DFFB: variants seen among roughly 807,000 people sequenced by gnomAD.
The protein encoded by DFFB is DNA fragmentation factor subunit beta, also known as DNA fragmentation factor 40 kDa subunit.
DFFB carries 29 observed loss-of-function variants against 32.7 expected under a neutral mutation model. The ratio of observed to expected loss-of-function variants is 0.89; its 90% confidence interval spans 0.66 to 1.21. The LOEUF (loss-of-function observed/expected upper bound fraction) is 1.21, where lower values mean the gene tolerates loss of function less well. DFFB is among the 50% of genes most tolerant of loss of function. The probability of loss-of-function intolerance (pLI) is 0.00; values close to 1 mark genes in which losing one functional copy is unlikely to be tolerated. For synonymous variants in DFFB, 170 were observed against 177.1 expected (o/e 0.96, Z 0.32); for missense variants, 398 against 440.6 (o/e 0.90, Z 0.87).
rs527886908 is a variant in DFFB, at chr1:3,864,149, T to C, written c.242-1663T>C. 1.2e-4 allele frequency among the ~76,000 whole-genome samples: 18 copies of C among 152,118 alleles called. No homozygotes were observed. The East Asian group carries it at 3.5e-3, about 29-fold the overall frequency. ...GCCCAGCTAATTTTTGTATTTTTAG[T>C]AGAGACAGGGTTTCACCATGTTGGC... On this transcript the variant is annotated intron_variant, in intron 2 of 6. Coordinates refer to ENST00000378209, the MANE Select transcript of DFFB (RefSeq NM_004402.4).
At chr1:3,877,457 G>A (rs998199930) in intron 6 of DFFB, among the ~76,000 whole-genome samples, 1 of 149,474 alleles carries the variant, frequency 6.7e-6, no homozygotes, top group African/African-American at 2.5e-5. Flanking sequence ...AGCCTCCCAA[G>A]TAGCTGGGAT....
chr1:3,859,657 T>A (rs921844978), intron 2 of DFFB, among the ~76,000 whole-genome samples: 1 of 152,150 alleles, frequency 6.6e-6, no homozygotes, highest in Non-Finnish European at 1.5e-5. Context: ...GCTACAGTGT[T>A]GGGGGCTCCA....
At position 3,883,615 on chromosome 1, in the gene DFFB, G is replaced by A. The variant is rs770497534; in HGVS notation, c.891G>A (p.Glu297=). The part of the protein sequence containing the change: ...EYFYGLLFTS[E]NLKLVHIVCH... ...TTTATGGCCTGCTTTTTACCTCAGAGAACCTAAAACTAGTGCACATTGTCT... is the reference window on the plus strand; with the variant it reads ...TTTATGGCCTGCTTTTTACCTCAGAAAACCTAAAACTAGTGCACATTGTCT... The change falls in exon 7 of 7, where the codon GAG becomes GAA. Residue 297 remains glutamate (E), a synonymous_variant. Transcript: ENST00000378209. 3.7e-6 allele frequency: 6 copies of A among 1,614,124 alleles called. No individual in the cohort carries two copies. The highest frequency in any genetic ancestry group is 1.3e-5 in the African/African-American group (1 of 75,026).
At chr1:3,875,603 A>G (rs975919058) in intron 6 of DFFB, among the ~76,000 whole-genome samples, 2 of 151,972 alleles carry the variant, frequency 1.3e-5, no homozygotes, top group African/African-American at 4.8e-5. Context: ...CTCTTTCTCT[A>G]ATTTTCATTT....
intron 5 of DFFB, among the ~76,000 whole-genome samples, chr1:3,870,978 C>T (rs996740161): frequency 3.3e-5 from 5 of 152,204 alleles, no homozygotes; most frequent in East Asian, 3.9e-4. Flanking sequence ...ACAGGGAAGA[C>T]GGAAGCTGTG....
At chr1:3,858,480 A>G (rs1644805045) in intron 1 of DFFB, among the ~76,000 whole-genome samples, 1 of 152,228 alleles carries the variant, frequency 6.6e-6, no homozygotes, top group African/African-American at 2.4e-5. Context: ...CAGAGCCAGC[A>G]GTCACCCCCT....
intron 6 of DFFB, among the ~76,000 whole-genome samples, chr1:3,876,580 A>G (rs932533022): frequency 3.9e-5 from 6 of 152,246 alleles, no homozygotes; most frequent in East Asian, 1.9e-4. Flanking sequence ...CACGTGCCAC[A>G]TGTTTAATTA....
Position 3,873,675 on chromosome 1 carries a change from C to T in DFFB, c.782+1103C>T, listed in dbSNP as rs184163224. On this transcript the variant is annotated intron_variant, in intron 6 of 6. Coordinates refer to ENST00000378209, the MANE Select transcript of DFFB (RefSeq NM_004402.4). ...TGTATTTTTAGTAGAGACGGGATTT[C>T]TCCATGTTGGTCAGGCTGGTCTTGA... 2.4e-3 allele frequency among the ~76,000 whole-genome samples: 368 copies of T among 152,182 alleles called. 2 individuals are homozygous for T. The highest frequency in any genetic ancestry group is 8.3e-3 in the African/African-American group (345 of 41,520).
chr1:3,871,443 T>C (rs752536130), intron 5 of DFFB, among the ~76,000 whole-genome samples: 1 of 152,110 alleles, frequency 6.6e-6, no homozygotes, highest in African/African-American at 2.4e-5. Context: ...CCCGCCACCA[T>C]GCCCGGCTAA....
rs1557712463 is a variant in DFFB at position 3,865,830 on chromosome 1, G to GA, written c.260_261insA (p.Phe88LeufsTer22). On this transcript the variant is annotated frameshift_variant, in exon 3 of 7. Transcript: ENST00000378209. LOFTEE classifies it high-confidence loss of function. The surrounding 1 kb of genome is among the most constrained non-coding windows in gnomAD (Gnocchi z 4.7). The stretch of plus-strand genomic sequence containing the variant: ...GTGGCAGATGTGAGCGACATCAGGC[G>GA]CTTCCTCAGTGCATTTCACGAGCCA... 5.6e-6 allele frequency: 9 copies of GA among 1,614,026 alleles called. 1 individual carries two copies. In the Admixed American group the frequency reaches 1.5e-4, roughly 27 times the overall value.
chr1:3,859,486 G>C (rs1399486421), intron 2 of DFFB, among the ~76,000 whole-genome samples: 1 of 152,212 alleles, frequency 6.6e-6, no homozygotes, highest in African/African-American at 2.4e-5. Flanking sequence ...CCTTTACCTG[G>C]GAGGGTCGGC....
At chr1:3,872,608 C>T (rs769747817) in intron 6 of DFFB, 36 bp downstream of exon 6, 1 of 1,566,058 alleles carries the variant, frequency 6.4e-7, no homozygotes. Flanking sequence ...CCCACGAGTG[C>T]CTGCAGGGCC....
At chr1:3,883,358 C>G in intron 6 of DFFB, 149 bp from the exon 7 acceptor site, 1 of 724,290 alleles carries the variant, frequency 1.4e-6, no homozygotes, top group South Asian at 1.9e-5. Flanking sequence ...TCAGGCTCTG[C>G]TCAACAAACC....
Position 3,865,554 on chromosome 1 carries a change from CG to C in DFFB, c.242-257del, listed in dbSNP as rs1295239129. 40 of 597,294 alleles carry C rather than the reference CG, an allele frequency of 6.7e-5. No homozygotes were observed. The Admixed American group carries it at 8.8e-4, about 13-fold the overall frequency. The allele number at this position is 597,294 out of a possible 1,614,324, so 37.0% of individuals were successfully genotyped here. ...GGAGGAGGCCAAATGGGAAAGCGGCCGTCTCTTGGTGCGCTTTCATCTGTCC... is the reference window on the plus strand; with the variant it reads ...GGAGGAGGCCAAATGGGAAAGCGGCCTCTCTTGGTGCGCTTTCATCTGTCC... On this transcript the variant is annotated intron_variant, in intron 2 of 6. Transcript: ENST00000378209. This position sits in a 1 kb window ranked among gnomAD's most constrained non-coding sequence, Gnocchi z 4.7.
Position 3,865,781 on chromosome 1 carries a change from C to G in DFFB, c.242-31C>G, listed in dbSNP as rs191694797. On this transcript the variant is annotated intron_variant, in intron 2 of 6. Transcript: ENST00000378209. The surrounding 1 kb of genome is among the most constrained non-coding windows in gnomAD (Gnocchi z 4.7). ...GGGCAGGATGTGTCTTCTGCTGGAC[C>G]GGCACCTTTTGTTTGTCCCATTGGT... 8.9e-4 allele frequency: 1,444 copies of G among 1,614,026 alleles called. 13 individuals are homozygous for G. In the East Asian group the frequency reaches 0.012, roughly 14 times the overall value.
At chr1:3,866,298 G>A (rs1644979245) in intron 3 of DFFB, 2 of 468,750 alleles carry the variant, frequency 4.3e-6, no homozygotes, top group Admixed American at 2.5e-5. Context: ...GAGTGCAGTG[G>A]CGTGATCTTG....
intron 5 of DFFB, 73 bp from the exon 6 acceptor site, chr1:3,872,399 G>A (rs1275573173): frequency 1.1e-4 from 121 of 1,121,904 alleles, no homozygotes; most frequent in Non-Finnish European, 1.5e-4. Context: ...GCGACAGAGC[G>A]AGGCGCTGTC....
rs528386902 is a variant in DFFB at position 3,865,508 on chromosome 1, G to C, written c.242-304G>C. 9 of 530,940 alleles carry C rather than the reference G, an allele frequency of 1.7e-5. No individual in the cohort carries two copies. The highest frequency in any genetic ancestry group is 3.2e-5 in the Admixed American group (1 of 31,574). 32.9% of individuals were successfully genotyped at this position (530,940 alleles called of 1,614,324 possible). On this transcript the variant is annotated intron_variant, in intron 2 of 6. Coordinates refer to ENST00000378209, the MANE Select transcript of DFFB (RefSeq NM_004402.4). The surrounding 1 kb of genome is among the most constrained non-coding windows in gnomAD (Gnocchi z 4.7). The stretch of plus-strand genomic sequence containing the variant: ...CAAGGTCTCCAGGAAGGGCCAAAGT[G>C]GGGGGCGTATGGTTTGGAGGGGAGG...
chr1:3,858,896 C>T, intron 2 of DFFB, 52 bp downstream of exon 2: 1 of 1,598,148 alleles, frequency 6.3e-7, no homozygotes, highest in Non-Finnish European at 8.5e-7. Flanking sequence ...TCTCCGAGGT[C>T]CTGGGGGCTT....
Sources: allele counts gnomAD v4.1 joint callset (sites outside exome capture counted in the v4.1 genomes callset), GRCh38; gene constraint gnomAD v4.1.1; non-coding constraint Gnocchi (gnomAD v3.1); transcripts MANE v1.5; gene names NCBI Gene and HGNC (gene_info 2026-07-23, HGNC 2026-07-21).